OPCML: variants seen among roughly 807,000 people sequenced by gnomAD.
The protein encoded by OPCML is opioid-binding protein/cell adhesion molecule.
A neutral mutation model predicts 37.8 loss-of-function variants in OPCML; 13 were observed. That is an observed-to-expected ratio of 0.34 (90% CI 0.22 to 0.55). The LOEUF (loss-of-function observed/expected upper bound fraction) is 0.55, where lower values mean the gene tolerates loss of function less well. Ranked by LOEUF, OPCML falls within the 20% of genes least tolerant of loss-of-function variation. The pLI, the probability that OPCML is intolerant of heterozygous loss-of-function variation, is 0.91. For synonymous variants in OPCML, 176 were observed against 168.8 expected (o/e 1.04, Z -0.33); for missense variants, 341 against 435.6 (o/e 0.78, Z 1.93).
chr11:132,809,881 T>C (rs914859582), intron 2 of OPCML, among the ~76,000 whole-genome samples: 10 of 152,100 alleles, frequency 6.6e-5, no homozygotes, highest in South Asian at 4.1e-4. Context: ...GACGGTATCT[T>C]GCTCTGTCGC....
intron 1 of OPCML, among the ~76,000 whole-genome samples, chr11:133,243,491 T>G (rs1940806652): frequency 6.6e-6 from 1 of 152,166 alleles, no homozygotes; most frequent in South Asian, 2.1e-4. Context: ...TGACTTACTG[T>G]AAATGTGTTC....
chr11:133,073,384 G>A (rs1948572817), intron 1 of OPCML, among the ~76,000 whole-genome samples: 1 of 152,216 alleles, frequency 6.6e-6, no homozygotes, highest in Non-Finnish European at 1.5e-5. Context: ...TGGGAATGGT[G>A]GATTTCCATG....
chr11:133,291,355 C>A (rs1470865336), intron 1 of OPCML, among the ~76,000 whole-genome samples: 1 of 152,132 alleles, frequency 6.6e-6, no homozygotes, highest in East Asian at 1.9e-4. Flanking sequence ...CATAGGTGCT[C>A]CCCAACCCGA....
chr11:132,806,214 T>C (rs1392993877), intron 2 of OPCML, among the ~76,000 whole-genome samples: 1 of 151,960 alleles, frequency 6.6e-6, no homozygotes, highest in African/African-American at 2.4e-5. Context: ...AGATAAAACA[T>C]ACAAACAAAA....
Position 133,006,184 on chromosome 11 carries a change from C to T in OPCML, c.62-63174G>A, listed in dbSNP as rs778478460. On this transcript the variant is annotated intron_variant, in intron 1 of 7. Transcript: ENST00000524381. ...CTGAGGTCGAGCCTTGGGAAGTTCG[C>T]GCCATCTGTAGTAGGGAGGAGCCTG... 108 of 924,754 alleles carry T rather than the reference C, an allele frequency of 1.2e-4. 1 individual carries two copies. The highest frequency in any genetic ancestry group is 1.5e-4 in the South Asian group (3 of 20,004). The allele number at this position is 924,754 out of a possible 1,614,324, so 57.3% of individuals were successfully genotyped here.
At chr11:133,111,185 G>GA (rs35414895) in intron 1 of OPCML, among the ~76,000 whole-genome samples, 80,181 of 151,788 alleles carry the variant, frequency 0.53, 21,545 homozygotes, top group Admixed American at 0.58. Context: ...GTGTGAATGA[G>GA]AAAAAAATGC....
chr11:132,439,904 G>A (rs1368751481), intron 4 of OPCML, among the ~76,000 whole-genome samples: 3 of 152,164 alleles, frequency 2.0e-5, no homozygotes, highest in Non-Finnish European at 2.9e-5. Flanking sequence ...CCTTTCCTTA[G>A]AGAGAAGAAA....
In OPCML at chr11:132,745,682, T is replaced by A. The variant is rs560267608; in HGVS notation, c.147-88363A>T. 5.9e-5 allele frequency among the ~76,000 whole-genome samples: 9 copies of A among 152,148 alleles called. No individual in the cohort carries two copies. In the South Asian group the frequency reaches 1.9e-3, roughly 32 times the overall value. On this transcript the variant is annotated intron_variant, in intron 2 of 7. Transcript: ENST00000524381. Reference sequence around the variant, plus strand: ...CCATCTTCCCAACCACTTCCCTGGCTCTTGGAGGTGGTGCAGCCTCCAGAG... The same window carrying A: ...CCATCTTCCCAACCACTTCCCTGGCACTTGGAGGTGGTGCAGCCTCCAGAG...
At chr11:132,819,631 AT>A (rs1488524440) in intron 2 of OPCML, among the ~76,000 whole-genome samples, 1 of 151,960 alleles carries the variant, frequency 6.6e-6, no homozygotes, top group Non-Finnish European at 1.5e-5. Context: ...ATTACAAATA[AT>A]TATACAGGAT....
At chr11:132,702,379 T>TTG (rs1943863072) in intron 2 of OPCML, among the ~76,000 whole-genome samples, 1 of 152,214 alleles carries the variant, frequency 6.6e-6, no homozygotes, top group Non-Finnish European at 1.5e-5. Context: ...ATCACCCCAT[T>TTG]CTTTCCTGGC....
chr11:133,301,457 C>T (rs925128092), intron 1 of OPCML: 4 of 152,130 alleles, frequency 2.6e-5, no homozygotes, highest in African/African-American at 4.8e-5. Context: ...CACAAAAATA[C>T]GAATTTGAGG....
chr11:133,293,225 C>G (rs2136543658), intron 1 of OPCML, among the ~76,000 whole-genome samples: 1 of 151,722 alleles, frequency 6.6e-6, no homozygotes, highest in South Asian at 2.1e-4. Flanking sequence ...TCACGGCACC[C>G]CACGCTCTTT....
chr11:132,782,298 G>A (rs1439293328), intron 2 of OPCML, among the ~76,000 whole-genome samples: 1 of 151,780 alleles, frequency 6.6e-6, no homozygotes, highest in Non-Finnish European at 1.5e-5. Flanking sequence ...AGACAGCTGG[G>A]TGCACAGAGC....
intron 1 of OPCML, among the ~76,000 whole-genome samples, chr11:133,233,444 G>T (rs959230502): frequency 6.6e-6 from 1 of 152,200 alleles, no homozygotes; most frequent in Non-Finnish European, 1.5e-5. Context: ...TGTTACTGGG[G>T]ATGGAGAGTC....
chr11:133,099,910 C>T (rs1222845925), intron 1 of OPCML, among the ~76,000 whole-genome samples: 1 of 152,096 alleles, frequency 6.6e-6, no homozygotes, highest in African/African-American at 2.4e-5. Context: ...GTGTGAAGCT[C>T]TTTAGCTTAA....
chr11:133,469,399 G>T (rs955522691), intron 1 of OPCML, among the ~76,000 whole-genome samples: 1 of 152,190 alleles, frequency 6.6e-6, no homozygotes, highest in Non-Finnish European at 1.5e-5. Flanking sequence ...CCGTACAGCT[G>T]AGGTGTGTAG....
intron 2 of OPCML, among the ~76,000 whole-genome samples, chr11:132,688,973 A>AAAAAAG (rs1943290837): frequency 6.7e-6 from 1 of 150,266 alleles, no homozygotes; most frequent in Non-Finnish European, 1.5e-5. Context: ...AAAAAAAAAA[A>AAAAAAG]AAAAAAAAAA....
intron 4 of OPCML, among the ~76,000 whole-genome samples, chr11:132,474,942 A>C (rs1186038716): frequency 6.6e-6 from 1 of 151,836 alleles, no homozygotes; most frequent in Non-Finnish European, 1.5e-5. Flanking sequence ...GGGTTCTAGC[A>C]CCCTCTTTCT....
At chr11:133,225,145 C>T (rs914697809) in intron 1 of OPCML, among the ~76,000 whole-genome samples, 1 of 152,160 alleles carries the variant, frequency 6.6e-6, no homozygotes, top group Non-Finnish European at 1.5e-5. Flanking sequence ...TTCACAGTAG[C>T]TCATATTCTC....
Sources: gnomAD v4.1 joint callset for allele counts (sites outside exome capture counted in the v4.1 genomes callset) on GRCh38, gnomAD v4.1.1 for gene constraint, MANE v1.5 for transcripts, NCBI Gene and HGNC (gene_info 2026-07-23, HGNC 2026-07-21) for gene names.